Variants in SH3RF3 observed in about 807,000 individuals in gnomAD.
SH3RF3 encodes SH3 domain containing ring finger 3, also known as E3 ubiquitin-protein ligase SH3RF3.
A neutral mutation model predicts 66.3 loss-of-function variants in SH3RF3; 29 were observed. The observed-to-expected ratio is 0.44, with a 90% CI of 0.33 to 0.60. The LOEUF is 0.60. Among genes scored for constraint, SH3RF3 ranks in the 20% least tolerant of loss-of-function variants. The probability of loss-of-function intolerance (pLI) is 0.04; values close to 1 mark genes in which losing one functional copy is unlikely to be tolerated. For missense variants in SH3RF3, 1,194 were observed against 1,190.9 expected (o/e 1.00, Z -0.04); for synonymous variants, 583 against 532.0 (o/e 1.10, Z -1.32).
chr2:109,260,680 C>T (rs1181174985), intron 1 of SH3RF3, among the ~76,000 whole-genome samples: 1 of 152,104 alleles, frequency 6.6e-6, no homozygotes, highest in Non-Finnish European at 1.5e-5. Flanking sequence ...ATGGGAGAAG[C>T]GGCCTGCAGA....
At chr2:109,241,938 C>G (rs746542643) in intron 1 of SH3RF3, among the ~76,000 whole-genome samples, 1 of 151,860 alleles carries the variant, frequency 6.6e-6, no homozygotes, top group Admixed American at 6.6e-5. Context: ...GGACCTGAGA[C>G]ACGATGTTCC....
intron 2 of SH3RF3, among the ~76,000 whole-genome samples, chr2:109,363,855 G>A (rs1017856801): frequency 1.3e-5 from 2 of 152,110 alleles, no homozygotes; most frequent in Non-Finnish European, 2.9e-5. Context: ...TATAGGTAAT[G>A]TGTTTTTTCC....
At chr2:109,396,973 C>T (rs1014955408) in intron 3 of SH3RF3, among the ~76,000 whole-genome samples, 5 of 152,220 alleles carry the variant, frequency 3.3e-5, no homozygotes, top group East Asian at 1.9e-4. Flanking sequence ...TGCTGAGTCC[C>T]GTTTTTCCCA....
intron 4 of SH3RF3, among the ~76,000 whole-genome samples, chr2:109,409,574 C>T (rs1426276083): frequency 6.6e-6 from 1 of 152,120 alleles, no homozygotes; most frequent in African/African-American, 2.4e-5. Flanking sequence ...CCTCCATCTT[C>T]AGTGGTGAGC....
intron 2 of SH3RF3, among the ~76,000 whole-genome samples, chr2:109,359,061 G>T (rs766159432): frequency 6.6e-6 from 1 of 151,994 alleles, no homozygotes; most frequent in South Asian, 2.1e-4. Context: ...TATTGTCTTT[G>T]TTCCTTTGTC....
At chr2:109,454,582 TCTGGC>T (rs1677986035) in intron 8 of SH3RF3, among the ~76,000 whole-genome samples, 1 of 152,186 alleles carries the variant, frequency 6.6e-6, no homozygotes, top group Non-Finnish European at 1.5e-5. Flanking sequence ...TCCCCAAGGC[TCTGGC>T]CTGGCCATGA....
intron 1 of SH3RF3, among the ~76,000 whole-genome samples, chr2:109,153,466 A>G (rs775637808): frequency 2.0e-5 from 3 of 152,206 alleles, no homozygotes; most frequent in Non-Finnish European, 4.4e-5. Flanking sequence ...GTATGAAAGG[A>G]CATGAAATAA....
chr2:109,337,272 G>A (rs1682443275), intron 1 of SH3RF3, among the ~76,000 whole-genome samples: 1 of 152,178 alleles, frequency 6.6e-6, no homozygotes, highest in African/African-American at 2.4e-5. Flanking sequence ...CTTGGTCCTG[G>A]GACCCTCTCC....
intron 1 of SH3RF3, among the ~76,000 whole-genome samples, chr2:109,168,189 A>T (rs921347984): frequency 6.6e-6 from 1 of 152,218 alleles, no homozygotes; most frequent in African/African-American, 2.4e-5. Context: ...GTGATTTGCA[A>T]ACATTGCATC....
intron 7 of SH3RF3, among the ~76,000 whole-genome samples, chr2:109,448,740 A>T (rs1677778956): frequency 6.6e-6 from 1 of 152,214 alleles, no homozygotes; most frequent in Non-Finnish European, 1.5e-5. Flanking sequence ...GTACATAACA[A>T]ATGTAATGCA....
At chr2:109,297,197 C>A (rs1681334168) in intron 1 of SH3RF3, among the ~76,000 whole-genome samples, 1 of 151,920 alleles carries the variant, frequency 6.6e-6, no homozygotes. Context: ...GGGTGAGTTC[C>A]CCAAGAAGAC....
chr2:109,500,517 G>A (rs916911680), intron 9 of SH3RF3, among the ~76,000 whole-genome samples: 1 of 152,230 alleles, frequency 6.6e-6, no homozygotes, highest in Non-Finnish European at 1.5e-5. Context: ...AGAGGCCTCA[G>A]AGGCTGCAGG....
chr2:109,333,960 T>C (rs1273614348), intron 1 of SH3RF3, among the ~76,000 whole-genome samples: 1 of 152,218 alleles, frequency 6.6e-6, no homozygotes, highest in Non-Finnish European at 1.5e-5. Context: ...TCAGAGTACT[T>C]TCTGACAAGT....
intron 8 of SH3RF3, among the ~76,000 whole-genome samples, chr2:109,483,349 C>T (rs760488654): frequency 2.6e-5 from 4 of 152,210 alleles, no homozygotes; most frequent in Non-Finnish European, 5.9e-5. Flanking sequence ...GTGCCTCTCA[C>T]ATGTCCCAGG....
chr2:109,388,737 G>T (rs1334567453), intron 3 of SH3RF3, among the ~76,000 whole-genome samples: 1 of 152,336 alleles, frequency 6.6e-6, no homozygotes, highest in East Asian at 1.9e-4. Flanking sequence ...GATGAAGTAG[G>T]CTCTAATCCT....
intron 1 of SH3RF3, among the ~76,000 whole-genome samples, chr2:109,252,364 G>T (rs1163501266): frequency 6.6e-6 from 1 of 152,130 alleles, no homozygotes; most frequent in African/African-American, 2.4e-5. Flanking sequence ...GGAATAGTTG[G>T]ATGCAAACTC....
rs961962814 is a variant in SH3RF3, at chr2:109,501,635, A to G, written c.2613A>G (p.Thr871=). 3 of 776,870 alleles carry G rather than the reference A, an allele frequency of 3.9e-6. No homozygotes were observed. Among genetic ancestry groups the G allele is most frequent in the East Asian group, 2.4e-5 (1 of 41,096 alleles). The allele number at this position is 776,870 out of a possible 1,614,324, so 48.1% of individuals were successfully genotyped here. ...YKGTLQRNGR[T]GLFPGSFVES... Reference sequence around the variant, plus strand: ...GGACCCTGCAGCGGAACGGCCGCACAGGCCTCTTCCCGGGCAGCTTCGTCG... The same window carrying G: ...GGACCCTGCAGCGGAACGGCCGCACGGGCCTCTTCCCGGGCAGCTTCGTCG... The change falls in exon 10 of 10, where the codon ACA becomes ACG. Residue 871 remains threonine, a synonymous_variant. Transcript: ENST00000309415.
chr2:109,357,726 C>T (rs1327188444), intron 2 of SH3RF3, among the ~76,000 whole-genome samples: 1 of 152,128 alleles, frequency 6.6e-6, no homozygotes, highest in Non-Finnish European at 1.5e-5. Context: ...ATTTTCATTG[C>T]TCTGTGGTGC....
chr2:109,379,358 G>A (rs6730477), intron 3 of SH3RF3, among the ~76,000 whole-genome samples: 3 of 152,044 alleles, frequency 2.0e-5, no homozygotes, highest in Non-Finnish European at 2.9e-5. Flanking sequence ...TTAAAGTCAT[G>A]GTTTACCATG....
Sources: allele counts gnomAD v4.1 joint callset (sites outside exome capture counted in the v4.1 genomes callset), GRCh38; gene constraint gnomAD v4.1.1; transcripts MANE v1.5; gene names NCBI Gene and HGNC (gene_info 2026-07-23, HGNC 2026-07-21).